Variants in PRKDC observed in about 807,000 individuals in gnomAD.
PRKDC encodes the protein DNA-dependent protein kinase catalytic subunit.
In PRKDC, 82 loss-of-function variants were observed where a neutral mutation model predicts 486.9. That is an observed-to-expected ratio of 0.17 (90% CI 0.14 to 0.20). The LOEUF is 0.20. Among genes scored for constraint, PRKDC ranks in the 10% least tolerant of loss-of-function variants. The probability of loss-of-function intolerance (pLI) is 1.00; values close to 1 mark genes in which losing one functional copy is unlikely to be tolerated. For missense variants in PRKDC, 4,504 were observed against 5,038.2 expected (o/e 0.89, Z 3.21); for synonymous variants, 1,895 against 1,837.0 (o/e 1.03, Z -0.81).
At position 47,778,596 on chromosome 8, in the gene PRKDC, T is replaced by G; in HGVS notation, c.11716A>C (p.Ser3906Arg). The G allele has an allele frequency of 1.9e-6, 3 of 1,613,770 alleles. No homozygotes were observed. The highest frequency in any genetic ancestry group is 1.1e-5 in the South Asian group (1 of 91,026). Reference protein sequence around the residue: ...AFLALRSHFASSHALICISHW... With the variant: ...AFLALRSHFARSHALICISHW... ...CTGATGCATATCAGAGCGTGAGAGC[T>G]GGCGAAGTGGGAGCGGAGCGCCAGG... Residue 3906 changes from serine to arginine, a missense_variant, in exon 83 of 86, where the codon AGC (serine) becomes CGC (arginine). By Grantham distance (110) the Ser-to-Arg change is moderately radical. This residue lies in a region of PRKDC where 706 missense variants were observed against 945.0 expected (regional missense o/e 0.75). Coordinates refer to ENST00000314191, the MANE Select transcript of PRKDC (RefSeq NM_006904.7).
intron 73 of PRKDC, among the ~76,000 whole-genome samples, chr8:47,797,572 T>C (rs1386881283): frequency 6.6e-6 from 1 of 152,234 alleles, no homozygotes; most frequent in Admixed American, 6.5e-5. Flanking sequence ...AACTCAAAGC[T>C]TGGCCCTATC....
In PRKDC at chr8:47,777,577, A is replaced by C. The variant is rs917368793; in HGVS notation, c.12042+109T>G. ...AGAAATGCTGTACAAAATAATGTAA[A>C]TATTTTCATCAACATGACTCAATGC... On this transcript the variant is annotated intron_variant, in intron 84 of 85. Coordinates refer to ENST00000314191, the MANE Select transcript of PRKDC (RefSeq NM_006904.7). 15 of 1,163,530 alleles carry C rather than the reference A, an allele frequency of 1.3e-5. No homozygotes were observed. In the African/African-American group the frequency reaches 2.3e-4, roughly 18 times the overall value. 72.1% of individuals were successfully genotyped at this position (1,163,530 alleles called of 1,614,324 possible).
intron 77 of PRKDC, 115 bp from the exon 78 acceptor site, chr8:47,783,924 AC>A (rs2086743872): frequency 2.7e-5 from 29 of 1,069,258 alleles, no homozygotes; most frequent in Non-Finnish European, 3.7e-5. Context: ...AAAACCTTTT[AC>A]TGAAAAGTTT....
In PRKDC at chr8:47,889,210, C is replaced by A. The variant is rs369191886; in HGVS notation, c.4084G>T (p.Asp1362Tyr). The A allele has an allele frequency of 2.5e-6, 4 of 1,605,834 alleles. No individual in the cohort carries two copies. The African/African-American group carries it at 4.0e-5, about 16-fold the overall frequency. Residue 1362 changes from aspartate to tyrosine, a missense_variant, in exon 33 of 86, where the codon GAC becomes TAC. By Grantham distance (160) the Asp-to-Tyr change is radical. This residue lies in a region of PRKDC where 1,969 missense variants were observed against 2,068.9 expected (regional missense o/e 0.95). Transcript: ENST00000314191. ...CTCATCAGGTGTGTATTACACAAGT[C>A]CTTCTTCAGGAGCTGTAACAGATTG... ...SPEGWKLLKK[D>Y]LCNTHLMRVL...
rs926589035 is a variant in PRKDC at position 47,788,399 on chromosome 8, C to G, written c.10902+507G>C. ...TGTGTTTCCCTTCCAACTCCAGCAC[C>G]CTCTGAAAGATCTCACACTTACCAC... On this transcript the variant is annotated intron_variant, in intron 76 of 85. Transcript: ENST00000314191. Among the ~76,000 whole-genome samples, 4 of 152,200 alleles carry G rather than the reference C, an allele frequency of 2.6e-5. No homozygotes were observed. In the East Asian group the frequency reaches 7.7e-4, roughly 29 times the overall value.
At chr8:47,784,331 A>T (rs2086755098) in intron 77 of PRKDC, among the ~76,000 whole-genome samples, 1 of 152,212 alleles carries the variant, frequency 6.6e-6, no homozygotes, top group Non-Finnish European at 1.5e-5. Context: ...AGCATGGACA[A>T]ATCCTAAGTA....
chr8:47,847,787 AACTT>A (rs1361688628), intron 54 of PRKDC, among the ~76,000 whole-genome samples: 1 of 151,936 alleles, frequency 6.6e-6, no homozygotes, highest in East Asian at 1.9e-4. Context: ...ATCCATAAAA[AACTT>A]AATTCAACAA....
At position 47,879,454 on chromosome 8, in the gene PRKDC, A is replaced by T. The variant is rs1211299704; in HGVS notation, c.5235+37T>A. The T allele has an allele frequency of 4.7e-6, 7 of 1,479,158 alleles. No homozygotes were observed. In the South Asian group the frequency reaches 6.7e-5, roughly 14 times the overall value. 91.6% of individuals were successfully genotyped at this position (1,479,158 alleles called of 1,614,324 possible). A position where few individuals can be genotyped will look rare whatever the true frequency, so the allele number is the denominator to read the frequency against. Reference sequence around the variant, plus strand: ...AGATATGTAACAAGAAAAAAAAAACAGTGTTTTAATTTTACTTGATACTAC... The same window carrying T: ...AGATATGTAACAAGAAAAAAAAAACTGTGTTTTAATTTTACTTGATACTAC... On this transcript the variant is annotated intron_variant, in intron 39 of 85. Coordinates refer to ENST00000314191, the MANE Select transcript of PRKDC (RefSeq NM_006904.7).
At chr8:47,790,479 C>T (rs2086865419) in intron 74 of PRKDC, among the ~76,000 whole-genome samples, 1 of 152,184 alleles carries the variant, frequency 6.6e-6, no homozygotes, top group Admixed American at 6.5e-5. Flanking sequence ...TCTGTCCACA[C>T]TACCCAAAGC....
intron 64 of PRKDC, among the ~76,000 whole-genome samples, chr8:47,823,211 C>T (rs2087646027): frequency 6.6e-6 from 1 of 151,878 alleles, no homozygotes; most frequent in African/African-American, 2.4e-5. Context: ...TGGTGCATGC[C>T]TGAAGTCCCA....
At chr8:47,917,799 A>C (rs2090009781) in intron 22 of PRKDC, among the ~76,000 whole-genome samples, 1 of 152,224 alleles carries the variant, frequency 6.6e-6, no homozygotes, top group Non-Finnish European at 1.5e-5. Context: ...GAAAAACAAG[A>C]CCAAAAAAAT....
In PRKDC at chr8:47,864,682, T is replaced by C. The variant is rs1235968308; in HGVS notation, c.5445A>G (p.Thr1815=). 2 of 1,608,170 alleles carry C rather than the reference T, an allele frequency of 1.2e-6. No homozygotes were observed. The highest frequency in any genetic ancestry group is 8.5e-7 in the Non-Finnish European group (1 of 1,177,294). ...FRKDDPRLSF[T]RQSFVDRSLL... ...GGGAGCGGTCCACAAAGGACTGGCG[T>C]GTGAAACTTAGGCGGGGGTCATCCT... The change falls in exon 41 of 86, where the codon ACA becomes ACG. Residue 1815 remains threonine, a synonymous_variant. Coordinates refer to ENST00000314191, the MANE Select transcript of PRKDC (RefSeq NM_006904.7).
At chr8:47,928,531 A>ATTT (rs2090193199) in intron 19 of PRKDC, among the ~76,000 whole-genome samples, 1 of 151,070 alleles carries the variant, frequency 6.6e-6, no homozygotes. Flanking sequence ...TAGCAAACAC[A>ATTT]TTTTTATTTT....
rs540069510 is a variant in PRKDC, at chr8:47,773,512, T to C, written c.*661A>G. On this transcript the variant is annotated 3_prime_UTR_variant, in exon 86 of 86. Coordinates refer to ENST00000314191, the MANE Select transcript of PRKDC (RefSeq NM_006904.7). Reference sequence around the variant, plus strand: ...AGATTGGAATAGCAAAAGTGAATGCTATGACCAAAATTTTTGCCCTCCTAA... The same window carrying C: ...AGATTGGAATAGCAAAAGTGAATGCCATGACCAAAATTTTTGCCCTCCTAA... The C allele has an allele frequency of 9.1e-6, 2 of 220,468 alleles. No individual in the cohort carries two copies. Among genetic ancestry groups the C allele is most frequent in the South Asian group, 3.7e-4 (2 of 5,426 alleles). The allele number at this position is 220,468 out of a possible 1,614,324, so 13.7% of individuals were successfully genotyped here.
intron 56 of PRKDC, 93 bp from the exon 57 acceptor site, chr8:47,837,512 C>T: frequency 1.0e-6 from 1 of 962,652 alleles, no homozygotes; most frequent in Admixed American, 2.4e-5. Flanking sequence ...AGGCACAGCT[C>T]TTCACCCACA....
Position 47,902,583 on chromosome 8 carries a change from G to A in PRKDC, c.3255C>T (p.Ile1085=), listed in dbSNP as rs1323160426. 1 of 1,585,644 alleles carries A rather than the reference G, an allele frequency of 6.3e-7. No individual in the cohort carries two copies. Among genetic ancestry groups the A allele is most frequent in the East Asian group, 2.2e-5 (1 of 44,614 alleles). Residue 1085 remains isoleucine, a synonymous_variant, in exon 27 of 86, where the codon ATC becomes ATT. Transcript: ENST00000314191. ...RLGASLAFNN[I]YREFREEESL... ...AGCTTACAAACCTGAATTCCCTGTA[G>A]ATATTATTAAAGGCAAGTGATGCTC...
chr8:47,853,383 G>A (rs771693402), intron 51 of PRKDC, among the ~76,000 whole-genome samples: 1 of 152,230 alleles, frequency 6.6e-6, no homozygotes, highest in Non-Finnish European at 1.5e-5. Flanking sequence ...ACGGTGCTGG[G>A]GGGCCAACAC....
intron 70 of PRKDC, 135 bp from the exon 71 acceptor site, chr8:47,801,121 G>C (rs1486919161): frequency 2.4e-6 from 2 of 849,022 alleles, no homozygotes; most frequent in African/African-American, 1.7e-5. Flanking sequence ...ACCCAGGCTG[G>C]AGTGCAACGA....
Position 47,782,296 on chromosome 8 carries a change from C to G in PRKDC, c.11397-42G>C. On this transcript the variant is annotated intron_variant, in intron 79 of 85. Transcript: ENST00000314191. This position sits in a 1 kb window ranked among gnomAD's most constrained non-coding sequence, Gnocchi z 4.9. The stretch of plus-strand genomic sequence containing the variant: ...AAGGTTAACGAGTAAACCCAAACTG[C>G]TCTTTCTTCACTAGAAAAACAGTCC... The G allele has an allele frequency of 6.2e-7, 1 of 1,611,372 alleles. No homozygotes were observed. Among genetic ancestry groups the G allele is most frequent in the Non-Finnish European group, 8.5e-7 (1 of 1,177,512 alleles).
Sources: gnomAD v4.1 joint callset for allele counts (sites outside exome capture counted in the v4.1 genomes callset) on GRCh38, gnomAD v4.1.1 for gene constraint, gnomAD v4.1.1 regional missense constraint, Gnocchi (gnomAD v3.1) non-coding constraint, MANE v1.5 for transcripts, NCBI Gene and HGNC (gene_info 2026-07-23, HGNC 2026-07-21) for gene names.